COL4A5: variants seen among roughly 807,000 people sequenced by gnomAD.
COL4A5 encodes collagen alpha-5(IV) chain.
In COL4A5, 26 loss-of-function variants were observed where a neutral mutation model predicts 130.2. The ratio of observed to expected loss-of-function variants is 0.20; its 90% CI spans 0.15 to 0.28. COL4A5 has a LOEUF of 0.28. Among genes scored for constraint, COL4A5 ranks in the 10% least tolerant of loss-of-function variants. The pLI is 1.00. For synonymous variants in COL4A5, 496 were observed against 439.6 expected (o/e 1.13, Z -1.60); for missense variants, 1,131 against 1,344.3 (o/e 0.84, Z 2.48).
At chrX:108,580,904 G>T (rs978181664) in intron 15 of COL4A5, 79 bp from the exon 16 acceptor site, 3 of 1,051,670 alleles carry the variant, frequency 2.9e-6, no homozygotes, top group African/African-American at 3.7e-5. Context: ...CAGGAATAAA[G>T]CTTGTTATAT....
intron 1 of COL4A5, among the ~76,000 whole-genome samples, chrX:108,473,989 A>G (rs1349340571): frequency 9.0e-6 from 1 of 111,196 alleles, no homozygotes; most frequent in Non-Finnish European, 1.9e-5. Flanking sequence ...AAGTGTTATT[A>G]CAAAAGTATC....
chrX:108,562,282 A>C (rs1259791548), intron 3 of COL4A5, among the ~76,000 whole-genome samples: 1 of 111,738 alleles, frequency 8.9e-6, no homozygotes, highest in Non-Finnish European at 1.9e-5. Context: ...ATGTTATAGA[A>C]ATAGGTGTTT....
intron 29 of COL4A5, among the ~76,000 whole-genome samples, chrX:108,614,034 A>G (rs748037650): frequency 3.6e-5 from 4 of 111,967 alleles, no homozygotes; most frequent in Non-Finnish European, 5.6e-5. Context: ...TGTGCCTCAA[A>G]TTGCAAAAAG....
At chrX:108,446,319 A>G (rs2064451674) in intron 1 of COL4A5, among the ~76,000 whole-genome samples, 1 of 111,938 alleles carries the variant, frequency 8.9e-6, no homozygotes, top group Non-Finnish European at 1.9e-5. Context: ...ACACACTCCA[A>G]TTTATTTACC....
At chrX:108,545,385 G>A (rs1285995761) in intron 2 of COL4A5, among the ~76,000 whole-genome samples, 2 of 111,585 alleles carry the variant, frequency 1.8e-5, no homozygotes, top group African/African-American at 6.5e-5. Context: ...GCATTCAGGA[G>A]CCGGTCGTTC....
chrX:108,533,585 A>G (rs2065415133), intron 1 of COL4A5, among the ~76,000 whole-genome samples: 1 of 110,981 alleles, frequency 9.0e-6, no homozygotes, highest in Non-Finnish European at 1.9e-5. Context: ...AAACTACTAG[A>G]AGAAATTCCA....
intron 30 of COL4A5, among the ~76,000 whole-genome samples, chrX:108,618,037 A>G (rs1043180321): frequency 4.5e-5 from 5 of 111,842 alleles, no homozygotes; most frequent in African/African-American, 1.6e-4. Flanking sequence ...CGAATAATAC[A>G]TGTTTTTGAA....
At chrX:108,480,352 G>A (rs751347801) in intron 1 of COL4A5, among the ~76,000 whole-genome samples, 22 of 112,405 alleles carry the variant, frequency 2.0e-4, no homozygotes, top group Non-Finnish European at 3.6e-4. Context: ...AATTTTAGTC[G>A]GATTTATTTC....
intron 1 of COL4A5, among the ~76,000 whole-genome samples, chrX:108,530,713 C>A (rs1373397688): frequency 3.3e-5 from 3 of 92,066 alleles, no homozygotes; most frequent in Non-Finnish European, 6.5e-5. Context: ...ACAACAGGTG[C>A]TGGAGAGGAT....
In COL4A5 at chrX:108,575,941, C is replaced by A; in HGVS notation, c.578C>A (p.Pro193Gln). ...CCTGGTCCCACTGGTATACCAGGGC[C>A]AATTGGTCCCCCAGGACCACCAGGT... ...GLPGPTGIPG[P>Q]IGPPGPPGLM... The change falls in exon 10 of 53, where the codon CCA (proline) becomes CAA (glutamine). Residue 193 changes from proline to glutamine, a missense_variant. Physicochemically the swap from Pro to Gln is moderately conservative, Grantham distance 76. Coordinates refer to ENST00000328300, the MANE Select transcript of COL4A5 (RefSeq NM_033380.3). 1 of 1,193,385 alleles carries A rather than the reference C, an allele frequency of 8.4e-7. No homozygotes were observed. The highest frequency in any genetic ancestry group is 1.1e-6 in the Non-Finnish European group (1 of 880,722).
At chrX:108,599,737 T>C (rs990473451) in intron 25 of COL4A5, among the ~76,000 whole-genome samples, 2 of 112,157 alleles carry the variant, frequency 1.8e-5, no homozygotes, top group African/African-American at 6.5e-5. Flanking sequence ...CCACAACCAT[T>C]CACTTTTGTC....
chrX:108,607,283 C>T (rs933238312), intron 29 of COL4A5, among the ~76,000 whole-genome samples: 1 of 101,591 alleles, frequency 9.8e-6, no homozygotes, highest in Non-Finnish European at 2.0e-5. Flanking sequence ...AGGAGAATCA[C>T]TTGAACTTGG....
intron 1 of COL4A5, among the ~76,000 whole-genome samples, chrX:108,507,553 A>G (rs755983784): frequency 1.1e-4 from 12 of 112,299 alleles, no homozygotes; most frequent in Non-Finnish European, 2.3e-4. Flanking sequence ...TCACGCCTGT[A>G]GTCTCAGCAC....
Position 108,695,335 on chromosome X carries a change from T to G in COL4A5, c.4890T>G (p.Phe1630Leu). The change falls in exon 52 of 53, where the codon TTT (phenylalanine) becomes TTG (leucine). Residue 1630 changes from phenylalanine to leucine, a missense_variant. Coordinates refer to ENST00000328300, the MANE Select transcript of COL4A5 (RefSeq NM_033380.3). ...CCCCTGGTTCCTGCTTGGAAGAGTT[T>G]CGTTCAGCTCCCTTCATCGAATGTC... ...LASPGSCLEE[F>L]RSAPFIECHG... 3 of 1,211,375 alleles carry G rather than the reference T, an allele frequency of 2.5e-6. No individual in the cohort carries two copies. The highest frequency in any genetic ancestry group is 3.4e-6 in the Non-Finnish European group (3 of 895,327).
chrX:108,533,147 T>C (rs59486396), intron 1 of COL4A5, among the ~76,000 whole-genome samples: 11,578 of 111,333 alleles, frequency 0.1, 1,299 homozygotes, highest in African/African-American at 0.33. Flanking sequence ...ATTACAAGGC[T>C]GTAGTAACCC....
At chrX:108,579,051 ACAATT>A (rs1462719628) in intron 13 of COL4A5, among the ~76,000 whole-genome samples, 3 of 98,417 alleles carry the variant, frequency 3.0e-5, no homozygotes, top group African/African-American at 1.1e-4. Context: ...TTTAAAGTGT[ACAATT>A]CAATTTTTTT....
At position 108,586,677 on chromosome X, in the gene COL4A5, G is replaced by C. The variant is rs2272945; in HGVS notation, c.1095G>C (p.Gly365=). 29,504 of 1,205,928 alleles carry C rather than the reference G, an allele frequency of 0.024. 2,808 individuals carry two copies. The African/African-American group carries it at 0.34, about 14-fold the overall frequency. ...IGEKGNIGLP[G]LPGEKGERGF... is the part of the protein sequence containing the mutation. ...AAAAAGGAAACATTGGGTTGCCTGG[G>C]TTGCCTGGAGAAAAAGGAGAGCGAG... is the stretch of plus-strand genomic sequence containing the variant. Residue 365 remains glycine (G), a synonymous_variant, in exon 19 of 53, where the codon GGG becomes GGC. Coordinates refer to ENST00000328300, the MANE Select transcript of COL4A5 (RefSeq NM_033380.3).
intron 1 of COL4A5, among the ~76,000 whole-genome samples, chrX:108,521,749 G>A (rs1419801716): frequency 1.8e-5 from 2 of 111,538 alleles, no homozygotes; most frequent in African/African-American, 3.3e-5. Context: ...GTCCCTTCAC[G>A]GTTCTTGACA....
At chrX:108,668,239 A>G in intron 40 of COL4A5, 80 bp from the exon 41 acceptor site, 1 of 935,177 alleles carries the variant, frequency 1.1e-6, no homozygotes, top group Non-Finnish European at 1.5e-6. Flanking sequence ...TAATTGCCCT[A>G]ATGTATGTGA....
Sources: allele counts gnomAD v4.1 joint callset (sites outside exome capture counted in the v4.1 genomes callset), GRCh38; gene constraint gnomAD v4.1.1; transcripts MANE v1.5; gene names NCBI Gene and HGNC (gene_info 2026-07-23, HGNC 2026-07-21).